The following TRAPPC9 variants were observed in gnomAD, a reference collection of about 807,000 sequenced individuals.
TRAPPC9 encodes the protein trafficking protein particle complex subunit 9.
TRAPPC9 carries 83 observed loss-of-function variants against 124.0 expected under a neutral mutation model. That is an observed-to-expected ratio of 0.67 (90% CI 0.56 to 0.80). TRAPPC9 has a LOEUF of 0.80. Among genes scored for constraint, TRAPPC9 ranks in the 30% least tolerant of loss-of-function variants. TRAPPC9 has a pLI of 0.00. For missense variants in TRAPPC9, 1,302 were observed against 1,508.3 expected (o/e 0.86, Z 2.27); for synonymous variants, 638 against 617.5 (o/e 1.03, Z -0.49).
chr8:139,995,893 T>G (rs1406347546), intron 18 of TRAPPC9, among the ~76,000 whole-genome samples: 1 of 140,504 alleles, frequency 7.1e-6, no homozygotes, highest in Non-Finnish European at 1.5e-5. Context: ...AGTACCAACA[T>G]TTTCCTCAGT....
intron 11 of TRAPPC9, 73 bp downstream of exon 11, chr8:140,300,396 T>TTCTAAAAA: frequency 6.2e-7 from 1 of 1,602,804 alleles, no homozygotes; most frequent in South Asian, 1.1e-5. Context: ...CAAAATGCTG[T>TTCTAAAAA]TCTAAAAATC....
chr8:140,404,335 G>A (rs1198533428), intron 6 of TRAPPC9, among the ~76,000 whole-genome samples: 1 of 152,138 alleles, frequency 6.6e-6, no homozygotes, highest in Non-Finnish European at 1.5e-5. Flanking sequence ...AAGTGAGAAA[G>A]CCTAAGTATC....
Position 140,360,192 on chromosome 8 carries a change from G to A in TRAPPC9, c.1353C>T (p.Gly451=), listed in dbSNP as rs145333904. 237 of 1,614,170 alleles carry A rather than the reference G, an allele frequency of 1.5e-4. No homozygotes were observed. The highest frequency in any genetic ancestry group is 3.5e-5 in the Non-Finnish European group (41 of 1,180,016). The change falls in exon 9 of 23, where the codon GGC becomes GGT. Residue 451 remains glycine (G), a splice_region_variant and synonymous_variant. Transcript: ENST00000438773. ...LSLDPKDFSR[G]THRGWAAVQM... The stretch of plus-strand genomic sequence containing the variant: ...GGACCGCAGCCCAGCCTCTGTGCGT[G>A]CCTGCGATGGAAGTTACAAAACATC...
chr8:140,308,978 A>G (rs1377346175), intron 10 of TRAPPC9, among the ~76,000 whole-genome samples: 1 of 152,174 alleles, frequency 6.6e-6, no homozygotes, highest in Non-Finnish European at 1.5e-5. Flanking sequence ...GTTCGCAGGG[A>G]GCTCTGCCAC....
At chr8:140,281,516 G>A (rs1252608482) in intron 14 of TRAPPC9, among the ~76,000 whole-genome samples, 1 of 152,136 alleles carries the variant, frequency 6.6e-6, no homozygotes, top group Non-Finnish European at 1.5e-5. Flanking sequence ...CTCTTTATCA[G>A]ATATTTAATA....
In TRAPPC9 at chr8:140,196,092, T is replaced by G. The variant is rs533865941; in HGVS notation, c.2556+25367A>C. Reference sequence around the variant, plus strand: ...GACCACACCTGTGATACTAAAACACTCAATGATCCACACCATACAGATCAC... The same window carrying G: ...GACCACACCTGTGATACTAAAACACGCAATGATCCACACCATACAGATCAC... On this transcript the variant is annotated intron_variant, in intron 17 of 22. Transcript: ENST00000438773. 1.4e-5 allele frequency among the ~76,000 whole-genome samples: 2 copies of G among 146,408 alleles called. 1 individual carries two copies.
intron 20 of TRAPPC9, among the ~76,000 whole-genome samples, chr8:139,901,380 T>C (rs1212422095): frequency 2.0e-5 from 3 of 152,210 alleles, no homozygotes; most frequent in African/African-American, 7.2e-5. Flanking sequence ...ATGACTTTGT[T>C]TTCTAATTTG....
intron 9 of TRAPPC9, among the ~76,000 whole-genome samples, chr8:140,334,279 G>A (rs984843393): frequency 2.6e-5 from 4 of 152,160 alleles, no homozygotes; most frequent in African/African-American, 7.2e-5. Context: ...GCAAAATCTC[G>A]TAATTCCTTT....
At chr8:139,966,770 T>G (rs958999472) in intron 19 of TRAPPC9, among the ~76,000 whole-genome samples, 1 of 152,208 alleles carries the variant, frequency 6.6e-6, no homozygotes, top group Admixed American at 6.5e-5. Context: ...CTCATTTACA[T>G]GCTGAGTACA....
intron 21 of TRAPPC9, among the ~76,000 whole-genome samples, chr8:139,861,520 A>G (rs1828155823): frequency 6.6e-6 from 1 of 152,170 alleles, no homozygotes. Context: ...TGTTTACTGA[A>G]ACTAGAAGCA....
chr8:139,969,088 G>A (rs2256968), intron 19 of TRAPPC9, among the ~76,000 whole-genome samples: 52,741 of 152,274 alleles, frequency 0.35, 10,815 homozygotes, highest in Non-Finnish European at 0.46. Flanking sequence ...CACACTGCAC[G>A]TGGATCGTGC....
intron 17 of TRAPPC9, among the ~76,000 whole-genome samples, chr8:140,058,154 T>C (rs1362062886): frequency 2.0e-5 from 3 of 152,218 alleles, no homozygotes; most frequent in African/African-American, 7.2e-5. Flanking sequence ...TGAGCTGAGA[T>C]TGAAATCAGT....
At chr8:139,935,003 C>T (rs1457079954) in intron 19 of TRAPPC9, among the ~76,000 whole-genome samples, 8 of 152,194 alleles carry the variant, frequency 5.3e-5, no homozygotes, top group Non-Finnish European at 1.2e-4. Context: ...GTCTCTGGTA[C>T]ATCACACGGA....
At chr8:140,412,845 G>A (rs1048442922) in intron 5 of TRAPPC9, among the ~76,000 whole-genome samples, 3 of 151,960 alleles carry the variant, frequency 2.0e-5, no homozygotes, top group Admixed American at 1.3e-4. Flanking sequence ...AGACAAAAGC[G>A]CTAAAACATA....
At chr8:139,746,073 G>A (rs1195424208) in intron 21 of TRAPPC9, among the ~76,000 whole-genome samples, 1 of 152,222 alleles carries the variant, frequency 6.6e-6, no homozygotes, top group Non-Finnish European at 1.5e-5. Flanking sequence ...TGTGATCAGG[G>A]TGGCATCTGC....
chr8:140,286,697 G>A (rs1004588887), intron 13 of TRAPPC9, among the ~76,000 whole-genome samples: 5 of 152,100 alleles, frequency 3.3e-5, no homozygotes, highest in Admixed American at 6.5e-5. Context: ...TTGGGGAGGC[G>A]AGGTAGGGAG....
intron 21 of TRAPPC9, among the ~76,000 whole-genome samples, chr8:139,785,046 T>C (rs1156616916): frequency 6.6e-6 from 1 of 152,132 alleles, no homozygotes; most frequent in Non-Finnish European, 1.5e-5. Context: ...CAGCAATAAT[T>C]AAGACTGCGT....
chr8:139,777,598 C>T (rs1045841832), intron 21 of TRAPPC9, among the ~76,000 whole-genome samples: 18 of 152,238 alleles, frequency 1.2e-4, no homozygotes, highest in African/African-American at 3.9e-4. Context: ...AGACTTCTTA[C>T]ATAACGTGTA....
chr8:140,203,624 T>C (rs1057449286), intron 17 of TRAPPC9, among the ~76,000 whole-genome samples: 4 of 152,172 alleles, frequency 2.6e-5, no homozygotes, highest in African/African-American at 7.2e-5. Flanking sequence ...AATCGGTGCT[T>C]GCGGGAAGGT....
Sources: allele counts gnomAD v4.1 joint callset (sites outside exome capture counted in the v4.1 genomes callset), GRCh38; gene constraint gnomAD v4.1.1; transcripts MANE v1.5; gene names NCBI Gene and HGNC (gene_info 2026-07-23, HGNC 2026-07-21).